The following RNF43 variants were observed in gnomAD, a reference collection of about 807,000 sequenced individuals.
RNF43 encodes the protein ring finger protein 43.
A neutral mutation model predicts 78.4 loss-of-function variants in RNF43; 37 were observed. The observed-to-expected ratio is 0.47, with a 90% CI of 0.36 to 0.62. The LOEUF (loss-of-function observed/expected upper bound fraction) is 0.62, where lower values mean the gene tolerates loss of function less well. Among genes scored for constraint, RNF43 ranks in the 20% least tolerant of loss-of-function variants. The probability of loss-of-function intolerance (pLI) is 0.00; values close to 1 mark genes in which losing one functional copy is unlikely to be tolerated. For missense variants in RNF43, 774 were observed against 1,007.9 expected (o/e 0.77, Z 3.14); for synonymous variants, 347 against 395.0 (o/e 0.88, Z 1.44).
chr17:58,415,720 T>G lies in RNF43; in HGVS notation c.-143A>C. ...AAAGCCAAGTCGTAGTTTTGGCCCTTCCTTTCTCTAAAGTTTATTCCCAAA... is the reference window on the plus strand; with the variant it reads ...AAAGCCAAGTCGTAGTTTTGGCCCTGCCTTTCTCTAAAGTTTATTCCCAAA... On this transcript the variant is annotated 5_prime_UTR_variant, in exon 2 of 10. Transcript: ENST00000407977. 1 of 939,378 alleles carries G rather than the reference T, an allele frequency of 1.1e-6. No individual in the cohort carries two copies. The allele number at this position is 939,378 out of a possible 1,614,324, so 58.2% of individuals were successfully genotyped here. A position where few individuals can be genotyped will look rare whatever the true frequency, so the allele number is the denominator to read the frequency against.
chr17:58,381,460 G>C (rs1273886731), intron 2 of RNF43, among the ~76,000 whole-genome samples: 2 of 152,220 alleles, frequency 1.3e-5, no homozygotes, highest in Non-Finnish European at 1.5e-5. Context: ...CAAACAGACT[G>C]CTGGCAGCTG....
At chr17:58,353,025 T>TCA (rs1028127097), downstream of RNF43, 93 of 216,982 alleles carry the variant, frequency 4.3e-4, no homozygotes, top group African/African-American at 1.9e-3. Context: ...CCTGGAGACT[T>TCA]CACGCCAATG....
At position 58,354,800 on chromosome 17, in the gene RNF43, TCC is replaced by T. The variant is rs1193893313; in HGVS notation, c.*141_*142del. The T allele has an allele frequency of 1.3e-6, 1 of 760,126 alleles. No individual in the cohort carries two copies. Among genetic ancestry groups the T allele is most frequent in the Non-Finnish European group, 2.3e-6 (1 of 432,220 alleles). The allele number at this position is 760,126 out of a possible 1,614,324, so 47.1% of individuals were successfully genotyped here. The stretch of plus-strand genomic sequence containing the variant: ...CCCTCTCACCCTCCACCATCACCAG[TCC>T]TCTTCCAGTGCTTCTAGGAAGTACG... On this transcript the variant is annotated 3_prime_UTR_variant, in exon 10 of 10. Transcript: ENST00000407977.
chr17:58,388,578 G>T (rs1246051689), intron 2 of RNF43, among the ~76,000 whole-genome samples: 1 of 152,142 alleles, frequency 6.6e-6, no homozygotes, highest in East Asian at 1.9e-4. Flanking sequence ...AAACTGTTAG[G>T]TCCAACCCAG....
At chr17:58,381,486 A>T (rs904253468) in intron 2 of RNF43, among the ~76,000 whole-genome samples, 1 of 152,222 alleles carries the variant, frequency 6.6e-6, no homozygotes, top group African/African-American at 2.4e-5. Context: ...ATGCAACAGG[A>T]GAGTGGATTT....
At chr17:58,380,609 G>C (rs1429153642) in intron 2 of RNF43, among the ~76,000 whole-genome samples, 2 of 152,132 alleles carry the variant, frequency 1.3e-5, no homozygotes, top group Non-Finnish European at 2.9e-5. Context: ...TGCTTAAAAG[G>C]CCAAAGACTA....
chr17:58,389,851 A>C (rs1973514729), intron 2 of RNF43, among the ~76,000 whole-genome samples: 3 of 152,234 alleles, frequency 2.0e-5, no homozygotes, highest in Admixed American at 2.0e-4. Flanking sequence ...TTGAACAAAC[A>C]ACAATGCTGG....
intron 2 of RNF43, among the ~76,000 whole-genome samples, chr17:58,373,756 C>A (rs1235420600): frequency 6.6e-6 from 1 of 152,080 alleles, no homozygotes; most frequent in Admixed American, 6.5e-5. Flanking sequence ...AAATACTAGG[C>A]CTTATTCATT....
chr17:58,404,469 T>G (rs1973864647), intron 2 of RNF43, among the ~76,000 whole-genome samples: 1 of 152,232 alleles, frequency 6.6e-6, no homozygotes, highest in South Asian at 2.1e-4. Context: ...GGCAACTCAG[T>G]AATCCCAAAT....
chr17:58,399,196 C>T (rs927905568), intron 2 of RNF43, among the ~76,000 whole-genome samples: 2 of 152,196 alleles, frequency 1.3e-5, no homozygotes, highest in Admixed American at 6.5e-5. Flanking sequence ...CCCATAATTA[C>T]CTTTATCCCA....
intron 2 of RNF43, among the ~76,000 whole-genome samples, chr17:58,401,489 T>A (rs1261042567): frequency 2.0e-5 from 3 of 152,214 alleles, no homozygotes; most frequent in African/African-American, 7.2e-5. Context: ...GATTCCATTG[T>A]CTCTGCCAGG....
rs544134302 is a variant in RNF43, at chr17:58,356,576, G to A, written c.2308+892C>T. 2.0e-5 allele frequency among the ~76,000 whole-genome samples: 3 copies of A among 152,258 alleles called. No individual in the cohort carries two copies. In the East Asian group the frequency reaches 5.8e-4, roughly 29 times the overall value. ...GTCTTATTAATAATGATGTGTTGAAGGGAAGTCCTCCTTGTTCTTTTACCA... is the reference window on the plus strand; with the variant it reads ...GTCTTATTAATAATGATGTGTTGAAAGGAAGTCCTCCTTGTTCTTTTACCA... On this transcript the variant is annotated intron_variant, in intron 9 of 9. Transcript: ENST00000407977.
At chr17:58,384,606 A>C (rs1973393002) in intron 2 of RNF43, among the ~76,000 whole-genome samples, 2 of 152,206 alleles carry the variant, frequency 1.3e-5, no homozygotes, top group Non-Finnish European at 2.9e-5. Flanking sequence ...TAGGTAACTA[A>C]GGCTTGAAGA....
intron 2 of RNF43, among the ~76,000 whole-genome samples, chr17:58,405,852 A>G (rs1409886831): frequency 6.6e-6 from 1 of 152,236 alleles, no homozygotes; most frequent in Non-Finnish European, 1.5e-5. Flanking sequence ...CTGCTGTTTA[A>G]GTTGATTCTC....
chr17:58,375,932 A>C (rs1328574805), intron 2 of RNF43, among the ~76,000 whole-genome samples: 1 of 152,234 alleles, frequency 6.6e-6, no homozygotes, highest in Non-Finnish European at 1.5e-5. Context: ...TTTTGCAGAA[A>C]AACTGAACTC....
intron 3 of RNF43, among the ~76,000 whole-genome samples, chr17:58,368,549 T>TAA (rs1300899429): frequency 2.9e-5 from 3 of 104,564 alleles, no homozygotes; most frequent in Non-Finnish European, 4.1e-5. Context: ...TCCATCTCGT[T>TAA]AAAAAAAAAA....
At chr17:58,397,784 C>A (rs901233992) in intron 2 of RNF43, among the ~76,000 whole-genome samples, 1 of 152,142 alleles carries the variant, frequency 6.6e-6, no homozygotes, top group African/African-American at 2.4e-5. Context: ...AGTCCTACTC[C>A]CCGCTTTAGG....
At chr17:58,410,380 ATGTT>A (rs1974004388) in intron 2 of RNF43, among the ~76,000 whole-genome samples, 1 of 152,206 alleles carries the variant, frequency 6.6e-6, no homozygotes, top group Non-Finnish European at 1.5e-5. Flanking sequence ...GCACCTAAGA[ATGTT>A]TGTGCGCACA....
chr17:58,393,494 C>T (rs867842856), intron 2 of RNF43, among the ~76,000 whole-genome samples: 1 of 152,106 alleles, frequency 6.6e-6, no homozygotes, highest in South Asian at 2.1e-4. Flanking sequence ...ATACACATAA[C>T]ATGCAAAATA....
Sources: allele counts gnomAD v4.1 joint callset (sites outside exome capture counted in the v4.1 genomes callset), GRCh38; gene constraint gnomAD v4.1.1; transcripts MANE v1.5; gene names NCBI Gene and HGNC (gene_info 2026-07-23, HGNC 2026-07-21).